The following FILIP1L variants were observed in gnomAD, a reference collection of about 807,000 sequenced individuals.
FILIP1L encodes the protein filamin A-interacting protein 1-like.
Under a neutral mutation model 96.6 loss-of-function variants are expected in FILIP1L, and 55 were observed. The observed-to-expected ratio is 0.57, with a 90% CI of 0.46 to 0.71. The LOEUF (loss-of-function observed/expected upper bound fraction) is 0.71. Ranked by LOEUF, FILIP1L falls within the 30% of genes least tolerant of loss-of-function variation. FILIP1L has a pLI of 0.00. For synonymous variants in FILIP1L, 467 were observed against 473.9 expected, an observed-to-expected ratio of 0.99 and a Z score of 0.19; for missense variants, 1,304 against 1,321.2, an observed-to-expected ratio of 0.99 and a Z score of 0.20.
intron 1 of FILIP1L, among the ~76,000 whole-genome samples, chr3:100,092,643 C>T (rs141887452): frequency 8.1e-5 from 12 of 147,564 alleles, no homozygotes; most frequent in South Asian, 4.5e-4. Context: ...CCTAGAATAA[C>T]GCCTGGTATC....
chr3:99,889,314 C>T (rs1576550149), intron 4 of FILIP1L, among the ~76,000 whole-genome samples: 1 of 152,024 alleles, frequency 6.6e-6, no homozygotes, highest in African/African-American at 2.4e-5. Context: ...GAAATGGAAT[C>T]TCTTCATATT....
intron 1 of FILIP1L, among the ~76,000 whole-genome samples, chr3:100,043,356 C>T (rs953878582): frequency 6.6e-6 from 1 of 152,192 alleles, no homozygotes; most frequent in African/African-American, 2.4e-5. Flanking sequence ...TTCTTTTCAG[C>T]TATATTAAAT....
At chr3:100,064,032 G>A (rs143699854) in intron 1 of FILIP1L, among the ~76,000 whole-genome samples, 51 of 152,198 alleles carry the variant, frequency 3.4e-4, no homozygotes, top group African/African-American at 1.2e-3. Context: ...CTCAAACCTC[G>A]GACCTCTAGA....
At chr3:99,936,457 C>A (rs112149227) in intron 1 of FILIP1L, among the ~76,000 whole-genome samples, 1 of 132,886 alleles carries the variant, frequency 7.5e-6, no homozygotes, top group Non-Finnish European at 1.6e-5. Flanking sequence ...CTCACTGCAA[C>A]CTCCACCTCC....
chr3:99,950,487 C>G (rs1708143431), intron 1 of FILIP1L, among the ~76,000 whole-genome samples: 1 of 152,108 alleles, frequency 6.6e-6, no homozygotes, highest in African/African-American at 2.4e-5. Flanking sequence ...TTTTTCACTT[C>G]TTTATATTAT....
chr3:100,045,555 A>G (rs2065266018), intron 1 of FILIP1L, among the ~76,000 whole-genome samples: 1 of 152,030 alleles, frequency 6.6e-6, no homozygotes, highest in Non-Finnish European at 1.5e-5. Flanking sequence ...CCCCCTGAAA[A>G]ATCAGGGGAC....
At chr3:100,009,123 G>T (rs565132395) in intron 1 of FILIP1L, among the ~76,000 whole-genome samples, 1 of 152,220 alleles carries the variant, frequency 6.6e-6, no homozygotes, top group East Asian at 1.9e-4. Context: ...GAATATTCCC[G>T]AATGAGAATT....
rs764025334 is a variant in FILIP1L, at chr3:99,924,364, G to T, written c.471C>A (p.Ile157=). 19 of 1,613,982 alleles carry T rather than the reference G, an allele frequency of 1.2e-5. No homozygotes were observed. Among genetic ancestry groups the T allele is most frequent in the Non-Finnish European group, 1.5e-5 (18 of 1,180,018 alleles). ...TTTCTGCCACTAAAAGCTGTCCCAG[G>T]ATTCGTCTGTAAGATTCTTTATGTT... ...VEKHKESYRR[I]LGQLLVAEKS... is the part of the protein sequence containing the mutation. The change falls in exon 4 of 6, where the codon ATC becomes ATA. Residue 157 remains isoleucine (I), a synonymous_variant. Coordinates refer to ENST00000477258, the MANE Select transcript of FILIP1L (RefSeq NM_001387850.1).
At chr3:99,962,493 T>G (rs1024391679) in intron 1 of FILIP1L, among the ~76,000 whole-genome samples, 36 of 152,200 alleles carry the variant, frequency 2.4e-4, no homozygotes, top group African/African-American at 8.4e-4. Context: ...CAGATATAGC[T>G]CTTTCAGTAG....
At chr3:99,894,632 T>G (rs985518409) in intron 4 of FILIP1L, among the ~76,000 whole-genome samples, 1 of 152,240 alleles carries the variant, frequency 6.6e-6, no homozygotes, top group Non-Finnish European at 1.5e-5. Context: ...GTAGGAAGTT[T>G]ACTATCTTGC....
At chr3:99,844,425 G>A (rs1431663707) in intron 5 of FILIP1L, among the ~76,000 whole-genome samples, 6 of 151,976 alleles carry the variant, frequency 3.9e-5, no homozygotes, top group Admixed American at 2.0e-4. Flanking sequence ...TTATTTGGAG[G>A]AAAAAAATCT....
chr3:100,029,620 TA>T (rs1404527611), intron 1 of FILIP1L, among the ~76,000 whole-genome samples: 8 of 152,248 alleles, frequency 5.3e-5, no homozygotes, highest in Non-Finnish European at 8.8e-5. Context: ...ATCACTAAAA[TA>T]AAAAAGCAAA....
At chr3:99,963,661 G>C (rs551216703) in intron 1 of FILIP1L, among the ~76,000 whole-genome samples, 465 of 152,058 alleles carry the variant, frequency 3.1e-3, no homozygotes, top group African/African-American at 0.011. Flanking sequence ...GCCCAGGCTG[G>C]AGTGCAGTGG....
chr3:99,944,438 C>G (rs1185823205), intron 1 of FILIP1L, among the ~76,000 whole-genome samples: 1 of 152,214 alleles, frequency 6.6e-6, no homozygotes, highest in Non-Finnish European at 1.5e-5. Flanking sequence ...GTCTCTCCAC[C>G]AAGCAAGACT....
At chr3:99,876,513 A>G (rs577000173) in intron 4 of FILIP1L, among the ~76,000 whole-genome samples, 9 of 152,358 alleles carry the variant, frequency 5.9e-5, no homozygotes, top group East Asian at 3.9e-4. Flanking sequence ...AGGGACTTCA[A>G]TACACATCCT....
intron 1 of FILIP1L, among the ~76,000 whole-genome samples, chr3:100,053,656 G>T (rs529350592): frequency 6.6e-6 from 1 of 152,112 alleles, no homozygotes; most frequent in Non-Finnish European, 1.5e-5. Context: ...ATTCAACCTG[G>T]TACAGCCAGT....
At chr3:100,059,473 T>G (rs1335459547) in intron 1 of FILIP1L, among the ~76,000 whole-genome samples, 1 of 152,216 alleles carries the variant, frequency 6.6e-6, no homozygotes, top group African/African-American at 2.4e-5. Context: ...GCATTTTTTT[T>G]TAGCACCTGT....
intron 1 of FILIP1L, among the ~76,000 whole-genome samples, chr3:99,969,904 A>T (rs1352425704): frequency 6.6e-6 from 1 of 152,220 alleles, no homozygotes; most frequent in Non-Finnish European, 1.5e-5. Flanking sequence ...AGGGACCAGG[A>T]TATTAGCAGG....
At chr3:99,992,363 C>A (rs1423459688) in intron 1 of FILIP1L, among the ~76,000 whole-genome samples, 1 of 152,030 alleles carries the variant, frequency 6.6e-6, no homozygotes, top group East Asian at 1.9e-4. Context: ...AATAGCCATT[C>A]TGACTGATAT....
Sources: allele counts gnomAD v4.1 joint callset (sites outside exome capture counted in the v4.1 genomes callset), GRCh38; gene constraint gnomAD v4.1.1; transcripts MANE v1.5; gene names NCBI Gene and HGNC (gene_info 2026-07-23, HGNC 2026-07-21).